MXD3: variants seen among roughly 807,000 people sequenced by gnomAD.
MXD3 encodes Max-associated protein 3.
In MXD3, 20 loss-of-function variants were observed where a neutral mutation model predicts 27.5. The observed-to-expected ratio is 0.73, with a 90% CI of 0.51 to 1.06. The LOEUF is 1.06. Among genes scored for constraint, MXD3 ranks in the 50% least tolerant of loss-of-function variants. The pLI is 0.00. For synonymous variants in MXD3, 150 were observed against 130.7 expected, an observed-to-expected ratio of 1.15 and a Z score of -1.01; for missense variants, 298 against 291.3, an observed-to-expected ratio of 1.02 and a Z score of -0.17.
At chr5:177,312,625 C>G (rs1032259417), upstream of MXD3, 2 of 985,476 alleles carry the variant, frequency 2.0e-6, no homozygotes, top group Non-Finnish European at 2.4e-6. Context: ...CAGCTTCCTA[C>G]TGTGTCGAAT....
upstream of MXD3, chr5:177,312,312 G>T (rs1761057952): frequency 1.0e-6 from 1 of 986,624 alleles, no homozygotes; most frequent in African/African-American, 1.7e-5. Context: ...TCCGGCCGCC[G>T]CTCGCCCATT....
Position 177,307,859 on chromosome 5 carries a change from C to T in MXD3, c.427G>A (p.Ala143Thr), listed in dbSNP as rs1466736042. ...GCCCGCAGCCGCTCCCGCTCGGCCGCCCCTGCCAGCCCCCGGAGCTGCTCC... is the reference window on the plus strand; with the variant it reads ...GCCCGCAGCCGCTCCCGCTCGGCCGTCCCTGCCAGCCCCCGGAGCTGCTCC... ...QLEQLRGLAG[A>T]AERERLRADS... The change falls in exon 5 of 6, where the codon GCG (alanine) becomes ACG (threonine). Residue 143 changes from alanine (A) to threonine (T), a missense_variant. Coordinates refer to ENST00000439742, the MANE Select transcript of MXD3 (RefSeq NM_031300.4). 1 of 1,609,562 alleles carries T rather than the reference C, an allele frequency of 6.2e-7. No individual in the cohort carries two copies. Among genetic ancestry groups the T allele is most frequent in the African/African-American group, 1.3e-5 (1 of 74,890 alleles).
At chr5:177,308,725 G>A (rs559525312) in intron 4 of MXD3, among the ~76,000 whole-genome samples, 1 of 152,296 alleles carries the variant, frequency 6.6e-6, no homozygotes, top group African/African-American at 2.4e-5. Context: ...CATGTCAAAT[G>A]TCTTTTGAGG....
chr5:177,311,825 T>C lies in MXD3; in HGVS notation c.6A>G (p.Glu2=), dbSNP rs1161509975. The change falls in exon 1 of 6, where the codon GAA becomes GAG. Residue 2 remains glutamate (E), a synonymous_variant. Transcript: ENST00000439742. M[E]PLASNIQVLL... Reference sequence around the variant, plus strand: ...GGACCTGGATGTTGCTGGCCAAGGGTTCCATGTCGGCGACAGCTGGCGGCG... The same window carrying C: ...GGACCTGGATGTTGCTGGCCAAGGGCTCCATGTCGGCGACAGCTGGCGGCG... 1 of 1,611,026 alleles carries C rather than the reference T, an allele frequency of 6.2e-7. No individual in the cohort carries two copies. The highest frequency in any genetic ancestry group is 8.5e-7 in the Non-Finnish European group (1 of 1,178,452).
rs761252798 is a variant in MXD3, at chr5:177,311,453, C to A, written c.102G>T (p.Pro34=). 5.6e-6 allele frequency: 8 copies of A among 1,432,592 alleles called. No individual in the cohort carries two copies. In the Admixed American group the frequency reaches 1.7e-4, roughly 30 times the overall value. 88.7% of individuals were successfully genotyped at this position (1,432,592 alleles called of 1,614,324 possible). The part of the protein sequence containing the change: ...EAEHGYASLC[P]HRSPGPIHRR... ...TGTGGATGGGGCCTGGACTGCGATG[C>A]GGGCACAGGGACGCATAACCATGCT... is the stretch of plus-strand genomic sequence containing the variant. The change falls in exon 2 of 6, where the codon CCG becomes CCT. Residue 34 remains proline, a synonymous_variant. Transcript: ENST00000439742.
downstream of MXD3, chr5:177,306,562 T>C (rs746478835): frequency 6.2e-7 from 1 of 1,607,206 alleles, no homozygotes; most frequent in East Asian, 2.2e-5. Context: ...GCAGCAACAG[T>C]TTGTGTAGCC....
At chr5:177,308,829 C>T (rs1009206191) in intron 4 of MXD3, among the ~76,000 whole-genome samples, 3 of 152,218 alleles carry the variant, frequency 2.0e-5, no homozygotes, top group Non-Finnish European at 2.9e-5. Context: ...AGAGCGAGAG[C>T]GTGAAGGCGT....
chr5:177,309,168 G>T (rs747632655), intron 4 of MXD3, among the ~76,000 whole-genome samples: 7 of 152,228 alleles, frequency 4.6e-5, no homozygotes, highest in African/African-American at 9.6e-5. Flanking sequence ...GGGTTATGAA[G>T]GGCCTTGAGT....
upstream of MXD3, chr5:177,312,032 C>T: frequency 8.0e-7 from 1 of 1,249,314 alleles, no homozygotes; most frequent in Non-Finnish European, 1.0e-6. Context: ...CCTCCGGCAG[C>T]CGCCCCGCCC....
chr5:177,311,962 G>T (rs1761050626), upstream of MXD3: 1 of 1,330,294 alleles, frequency 7.5e-7, no homozygotes, highest in Non-Finnish European at 9.7e-7. Context: ...CGCCCCGCCC[G>T]CGGGAACGCC....
Position 177,307,973 on chromosome 5 carries a change from C to T in MXD3, c.322-9G>A. The stretch of plus-strand genomic sequence containing the variant: ...TCCTGATCCTCCAGCTTCTGCGGAT[C>T]CCAAAGGAGCAAGGGGCTGGGGTCA... On this transcript the variant is annotated splice_polypyrimidine_tract_variant and intron_variant, in intron 4 of 5. Transcript: ENST00000439742. The T allele has an allele frequency of 6.5e-7, 1 of 1,532,578 alleles. No homozygotes were observed. The highest frequency in any genetic ancestry group is 2.3e-4 in the Middle Eastern group (1 of 4,404). 94.9% of individuals were successfully genotyped at this position (1,532,578 alleles called of 1,614,324 possible).
At chr5:177,311,024 C>A in intron 2 of MXD3, 3 of 563,570 alleles carry the variant, frequency 5.3e-6, no homozygotes. Context: ...GAGGGAGGGG[C>A]ATTCAAATAG....
rs201626034 is a variant in MXD3 at position 177,307,810 on chromosome 5, A to G, written c.476T>C (p.Leu159Pro). ...LRADSLDSSGLSSERSDSDQE... is the reference protein window; with the variant it reads ...LRADSLDSSGPSSERSDSDQE... ...GTCTGAGTCTGAGCGCTCAGAGGAG[A>G]GGCCTGAGGAGTCCAGACTGTCCGC... The change falls in exon 5 of 6, where the codon CTC becomes CCC. Residue 159 changes from leucine (L) to proline (P), a missense_variant. Transcript: ENST00000439742. The G allele has an allele frequency of 7.4e-6, 12 of 1,612,680 alleles. No individual in the cohort carries two copies. In the African/African-American group the frequency reaches 9.3e-5, roughly 13 times the overall value.
Position 177,308,835 on chromosome 5 carries a change from G to A in MXD3, c.322-871C>T, listed in dbSNP as rs1397011662. Among the ~76,000 whole-genome samples the A allele has an allele frequency of 2.0e-5, 3 of 152,304 alleles. No homozygotes were observed. The East Asian group carries it at 5.8e-4, about 29-fold the overall frequency. ...ATCCCTACAAGAGCGAGAGCGTGAA[G>A]GCGTTAGCACCCTCCCTCCCATACC... On this transcript the variant is annotated intron_variant, in intron 4 of 5. Coordinates refer to ENST00000439742, the MANE Select transcript of MXD3 (RefSeq NM_031300.4).
upstream of MXD3, chr5:177,312,295 C>T (rs1166303926): frequency 2.0e-6 from 2 of 986,432 alleles, no homozygotes; most frequent in Non-Finnish European, 2.4e-6. Context: ...GCCGCGGGGG[C>T]GGGGCCTCCG....
chr5:177,310,687 T>G lies in MXD3; in HGVS notation c.187A>C (p.Asn63His). The change falls in exon 3 of 6, where the codon AAT (asparagine) becomes CAT (histidine). Residue 63 changes from asparagine to histidine, a missense_variant. Transcript: ENST00000439742. Reference sequence around the variant, plus strand: ...ACTCACCTGCGCTTCTCCAGTTCATTGTGCACTGACCTGCCAATGCCAGAG... The same window carrying G: ...ACTCACCTGCGCTTCTCCAGTTCATGGTGCACTGACCTGCCAATGCCAGAG... ...GAQDSGRSVH[N>H]ELEKRRRAQL... The G allele has an allele frequency of 6.2e-7, 1 of 1,614,164 alleles. No homozygotes were observed. Among genetic ancestry groups the G allele is most frequent in the Non-Finnish European group, 8.5e-7 (1 of 1,180,010 alleles).
At chr5:177,308,562 G>T (rs771397450) in intron 4 of MXD3, among the ~76,000 whole-genome samples, 1 of 151,926 alleles carries the variant, frequency 6.6e-6, no homozygotes, top group Non-Finnish European at 1.5e-5. Flanking sequence ...TAGTGGAGAC[G>T]GGGTTTCACC....
At chr5:177,312,069 A>C (rs1439929886), upstream of MXD3, 2 of 1,202,878 alleles carry the variant, frequency 1.7e-6, no homozygotes, top group East Asian at 1.0e-4. Flanking sequence ...TTCCAGGGGC[A>C]GGTAAGGGCG....
downstream of MXD3, chr5:177,305,613 G>A (rs1287224619): frequency 4.1e-6 from 2 of 493,794 alleles, no homozygotes; most frequent in Non-Finnish European, 3.7e-6. Context: ...GGAGCAGGAT[G>A]GGCTGGAAGG....
Sources: allele counts gnomAD v4.1 joint callset (sites outside exome capture counted in the v4.1 genomes callset), GRCh38; gene constraint gnomAD v4.1.1; transcripts MANE v1.5; gene names NCBI Gene and HGNC (gene_info 2026-07-23, HGNC 2026-07-21).